SBF2: variants seen among roughly 807,000 people sequenced by gnomAD.
The protein encoded by SBF2 is myotubularin-related protein 13.
SBF2 carries 112 observed loss-of-function variants against 225.2 expected under a neutral mutation model. The observed-to-expected ratio is 0.50, with a 90% CI of 0.43 to 0.58. SBF2 has a LOEUF of 0.58. SBF2 is among the 20% of genes least tolerant of loss of function. The pLI is 0.00. For missense variants in SBF2, 1,996 were observed against 2,206.2 expected (o/e 0.90, Z 1.91); for synonymous variants, 763 against 773.3 (o/e 0.99, Z 0.22).
At chr11:10,299,538 C>A (rs1029195076) in intron 1 of SBF2, among the ~76,000 whole-genome samples, 1 of 152,068 alleles carries the variant, frequency 6.6e-6, no homozygotes, top group African/African-American at 2.4e-5. Flanking sequence ...TATGTGGAGT[C>A]CAGTGCAAAA....
intron 2 of SBF2, among the ~76,000 whole-genome samples, chr11:10,052,044 T>C (rs1293542273): frequency 6.6e-6 from 1 of 151,946 alleles, no homozygotes; most frequent in Admixed American, 6.6e-5. Context: ...GTGAGGAAAA[T>C]GTTTAGACAG....
At chr11:10,239,774 TAA>T (rs1959183292) in intron 1 of SBF2, among the ~76,000 whole-genome samples, 1 of 152,198 alleles carries the variant, frequency 6.6e-6, no homozygotes, top group Admixed American at 6.5e-5. Flanking sequence ...AACCTAATGG[TAA>T]ATATAGTAGC....
At chr11:9,955,403 T>C (rs1866096752) in intron 16 of SBF2, among the ~76,000 whole-genome samples, 1 of 152,080 alleles carries the variant, frequency 6.6e-6, no homozygotes, top group Non-Finnish European at 1.5e-5. Flanking sequence ...ATATAAGAAA[T>C]TTTTCCATAT....
chr11:9,780,604 T>G, intron 39 of SBF2, 88 bp from the exon 40 acceptor site: 2 of 1,009,212 alleles, frequency 2.0e-6, no homozygotes, highest in Non-Finnish European at 3.1e-6. Flanking sequence ...CCTGTGACCT[T>G]TCTTTTCCAT....
At chr11:9,809,763 C>T (rs867868749) in intron 30 of SBF2, among the ~76,000 whole-genome samples, 1 of 151,974 alleles carries the variant, frequency 6.6e-6, no homozygotes, top group Non-Finnish European at 1.5e-5. Flanking sequence ...CCAGGCTAGT[C>T]TTGAACTCCT....
intron 2 of SBF2, among the ~76,000 whole-genome samples, chr11:10,131,225 A>AT (rs1565264927): frequency 6.3e-4 from 92 of 145,086 alleles, no homozygotes; most frequent in Middle Eastern, 3.5e-3. Flanking sequence ...TATTGCCACT[A>AT]ATTTTTTTTT....
At chr11:9,888,986 C>A (rs993762074) in intron 17 of SBF2, among the ~76,000 whole-genome samples, 2 of 152,182 alleles carry the variant, frequency 1.3e-5, no homozygotes, top group Non-Finnish European at 2.9e-5. Context: ...ATTCCTATCA[C>A]CTGCCTCTGG....
chr11:10,282,351 C>T lies in SBF2; in HGVS notation c.55+11664G>A, dbSNP rs553679796. Among the ~76,000 whole-genome samples the T allele has an allele frequency of 2.6e-5, 4 of 152,264 alleles. No individual in the cohort carries two copies. In the East Asian group the frequency reaches 7.7e-4, roughly 29 times the overall value. ...GGCCACTCTTTTTTTCACTCTTGCA[C>T]ATTTCCTAGGCAATCTCACATTTTT... On this transcript the variant is annotated intron_variant, in intron 1 of 39. Coordinates refer to ENST00000256190, the MANE Select transcript of SBF2 (RefSeq NM_030962.4).
At chr11:9,870,728 C>A (rs1858652178) in intron 17 of SBF2, among the ~76,000 whole-genome samples, 1 of 152,158 alleles carries the variant, frequency 6.6e-6, no homozygotes, top group African/African-American at 2.4e-5. Context: ...GTAATCCCAG[C>A]ACTTTGGGAG....
intron 2 of SBF2, among the ~76,000 whole-genome samples, chr11:10,091,675 T>C (rs958066338): frequency 3.3e-5 from 5 of 152,194 alleles, no homozygotes; most frequent in Non-Finnish European, 7.4e-5. Flanking sequence ...TCATCATTTA[T>C]TCCACTCCAA....
At chr11:9,940,058 A>G (rs1865158125) in intron 16 of SBF2, among the ~76,000 whole-genome samples, 1 of 152,178 alleles carries the variant, frequency 6.6e-6, no homozygotes, top group South Asian at 2.1e-4. Flanking sequence ...TATTAATGAT[A>G]TTGTGTCTTT....
intron 13 of SBF2, 49 bp downstream of exon 13, chr11:9,989,448 A>C (rs1033569002): frequency 8.3e-7 from 1 of 1,211,170 alleles, no homozygotes; most frequent in Non-Finnish European, 1.2e-6. Flanking sequence ...ACGGAAAAAT[A>C]AATAAATAAA....
At position 9,830,764 on chromosome 11, in the gene SBF2, A is replaced by G. The variant is rs1333594915; in HGVS notation, c.3653-1268T>C. ...CAAAAACAAAAAAAAAAAAACAAAA[A>G]CAAAACAAAACAAAAAACAAAAAAC... On this transcript the variant is annotated intron_variant, in intron 27 of 39. Transcript: ENST00000256190. Among the ~76,000 whole-genome samples the G allele has an allele frequency of 2.7e-5, 4 of 150,364 alleles. No individual in the cohort carries two copies. In the East Asian group the frequency reaches 7.7e-4, roughly 29 times the overall value.
At chr11:10,278,121 A>G (rs1963110011) in intron 1 of SBF2, among the ~76,000 whole-genome samples, 1 of 152,238 alleles carries the variant, frequency 6.6e-6, no homozygotes, top group African/African-American at 2.4e-5. Flanking sequence ...CCTATACTCT[A>G]GATCAATCTA....
At chr11:10,230,867 A>G (rs2135433193) in intron 1 of SBF2, among the ~76,000 whole-genome samples, 1 of 152,186 alleles carries the variant, frequency 6.6e-6, no homozygotes, top group South Asian at 2.1e-4. Context: ...GCCTTGCTAG[A>G]TTGGGGAAGT....
At position 9,873,268 on chromosome 11, in the gene SBF2, G is replaced by T. The variant is rs577518006; in HGVS notation, c.1930-14872C>A. On this transcript the variant is annotated intron_variant, in intron 17 of 39. Transcript: ENST00000256190. Reference sequence around the variant, plus strand: ...ATGCTCTATGTAGTTTGTCACAAAGGTTTAAAGTGATATGGATTAGTACAG... The same window carrying T: ...ATGCTCTATGTAGTTTGTCACAAAGTTTTAAAGTGATATGGATTAGTACAG... Among the ~76,000 whole-genome samples, 3 of 150,450 alleles carry T rather than the reference G, an allele frequency of 2.0e-5. No individual in the cohort carries two copies. In the East Asian group the frequency reaches 5.8e-4, roughly 29 times the overall value.
intron 1 of SBF2, among the ~76,000 whole-genome samples, chr11:10,277,530 G>C (rs1323144917): frequency 6.6e-6 from 1 of 152,164 alleles, no homozygotes; most frequent in African/African-American, 2.4e-5. Flanking sequence ...ATGAACCATT[G>C]TGTTTGTGGT....
intron 17 of SBF2, among the ~76,000 whole-genome samples, chr11:9,858,720 T>C (rs946856532): frequency 6.6e-6 from 1 of 152,170 alleles, no homozygotes; most frequent in African/African-American, 2.4e-5. Flanking sequence ...AATTAGGGCA[T>C]ATAATAAAAT....
At chr11:10,263,947 C>T (rs1462826090) in intron 1 of SBF2, among the ~76,000 whole-genome samples, 1 of 152,082 alleles carries the variant, frequency 6.6e-6, no homozygotes, top group African/African-American at 2.4e-5. Context: ...CTGATAACTA[C>T]AAAAATATTC....
Sources: gnomAD v4.1 joint callset for allele counts (sites outside exome capture counted in the v4.1 genomes callset) on GRCh38, gnomAD v4.1.1 for gene constraint, MANE v1.5 for transcripts, NCBI Gene and HGNC (gene_info 2026-07-23, HGNC 2026-07-21) for gene names.